The following CA10 variants were observed in gnomAD, a reference collection of about 807,000 sequenced individuals.
CA10 encodes the protein carbonic anhydrase 10 (inactive), also known as carbonic anhydrase-related protein 10.
CA10 carries 14 observed loss-of-function variants against 44.2 expected under a neutral mutation model. That is an observed-to-expected ratio of 0.32 (90% CI 0.21 to 0.50). CA10 has a LOEUF of 0.50. CA10 is among the 20% of genes least tolerant of loss of function. CA10 has a pLI of 0.99. For missense variants in CA10, 350 were observed against 409.7 expected (o/e 0.85, Z 1.26); for synonymous variants, 159 against 141.6 (o/e 1.12, Z -0.87).
chr17:51,930,634 A>C (rs1049674811), intron 3 of CA10, among the ~76,000 whole-genome samples: 2 of 152,008 alleles, frequency 1.3e-5, no homozygotes, highest in Non-Finnish European at 2.9e-5. Context: ...TTCTCACTTC[A>C]CTGAGGTTAA....
intron 1 of CA10, among the ~76,000 whole-genome samples, chr17:52,123,911 G>T (rs1308755898): frequency 2.6e-5 from 4 of 152,104 alleles, no homozygotes; most frequent in African/African-American, 4.8e-5. Context: ...GCAGACCCTT[G>T]GGACCCTGTT....
chr17:52,068,580 A>T (rs111782640), intron 2 of CA10, among the ~76,000 whole-genome samples: 2 of 152,190 alleles, frequency 1.3e-5, no homozygotes, highest in African/African-American at 2.4e-5. Context: ...TTGTAGTGAG[A>T]TGCCTGGCCC....
chr17:52,016,601 T>C (rs1366593478), intron 2 of CA10, among the ~76,000 whole-genome samples: 1 of 152,048 alleles, frequency 6.6e-6, no homozygotes, highest in Non-Finnish European at 1.5e-5. Flanking sequence ...TCTGAGTGCA[T>C]GTGAGACCTG....
At chr17:51,640,533 C>T (rs937803674) in intron 6 of CA10, among the ~76,000 whole-genome samples, 1 of 152,202 alleles carries the variant, frequency 6.6e-6, no homozygotes, top group Admixed American at 6.5e-5. Flanking sequence ...CATGACTCAT[C>T]ATGCTGCCTC....
chr17:52,048,697 G>A (rs1274544006), intron 2 of CA10, among the ~76,000 whole-genome samples: 2 of 152,000 alleles, frequency 1.3e-5, no homozygotes, highest in Non-Finnish European at 2.9e-5. Context: ...GCATGACAAA[G>A]CTGCTGAGCT....
chr17:51,948,508 C>T (rs996214877), intron 2 of CA10, among the ~76,000 whole-genome samples: 1 of 152,308 alleles, frequency 6.6e-6, no homozygotes, highest in African/African-American at 2.4e-5. Flanking sequence ...GGGCCTCCTC[C>T]AAGCTCCAGA....
intron 4 of CA10, among the ~76,000 whole-genome samples, chr17:51,657,748 T>C (rs984748098): frequency 2.6e-5 from 4 of 152,198 alleles, no homozygotes; most frequent in African/African-American, 9.6e-5. Flanking sequence ...GTAATCACAG[T>C]GTCTGATGTG....
chr17:51,658,420 G>C (rs1376167999), intron 4 of CA10, among the ~76,000 whole-genome samples: 2 of 152,184 alleles, frequency 1.3e-5, no homozygotes, highest in Non-Finnish European at 2.9e-5. Flanking sequence ...GAAAGAATGG[G>C]GGCGAGGATG....
chr17:51,821,313 C>T (rs1021811316), intron 3 of CA10, among the ~76,000 whole-genome samples: 14 of 151,686 alleles, frequency 9.2e-5, no homozygotes, highest in African/African-American at 2.7e-4. Flanking sequence ...AGGCCAAGTG[C>T]CATGGACAGG....
chr17:51,868,412 C>A (rs1186496337), intron 3 of CA10, among the ~76,000 whole-genome samples: 4 of 152,128 alleles, frequency 2.6e-5, no homozygotes, highest in Non-Finnish European at 4.4e-5. Context: ...TTTAAGCGTG[C>A]CGTCTCCTGC....
intron 3 of CA10, among the ~76,000 whole-genome samples, chr17:51,917,152 G>A (rs1962619458): frequency 6.6e-6 from 1 of 152,210 alleles, no homozygotes; most frequent in Non-Finnish European, 1.5e-5. Flanking sequence ...CTTATATGTA[G>A]CATTTGCAGA....
chr17:51,679,473 G>T (rs1344385693), intron 4 of CA10, among the ~76,000 whole-genome samples: 3 of 151,874 alleles, frequency 2.0e-5, no homozygotes, highest in Non-Finnish European at 4.4e-5. Context: ...GTGTTAGCCA[G>T]GATGGTCTTG....
intron 1 of CA10, among the ~76,000 whole-genome samples, chr17:52,146,473 G>T (rs1989587089): frequency 6.6e-6 from 1 of 151,730 alleles, no homozygotes; most frequent in Non-Finnish European, 1.5e-5. Context: ...GGCGGATCAT[G>T]AGGTCAGGAG....
At chr17:51,828,336 A>C (rs767326) in intron 3 of CA10, among the ~76,000 whole-genome samples, 77,895 of 151,874 alleles carry the variant, frequency 0.51, 21,531 homozygotes, top group African/African-American at 0.73. Context: ...GCTAGTCTGG[A>C]TATTCTCTTG....
At chr17:51,941,684 T>C (rs1054365750) in intron 2 of CA10, among the ~76,000 whole-genome samples, 3 of 152,124 alleles carry the variant, frequency 2.0e-5, no homozygotes, top group Non-Finnish European at 4.4e-5. Flanking sequence ...ACCAGTAATG[T>C]TGAAACCAGC....
At chr17:51,911,408 A>G (rs1416529209) in intron 3 of CA10, among the ~76,000 whole-genome samples, 1 of 152,170 alleles carries the variant, frequency 6.6e-6, no homozygotes, top group Non-Finnish European at 1.5e-5. Flanking sequence ...CGCATATCCA[A>G]ATTGAATGAG....
At chr17:51,906,235 C>G (rs543312996) in intron 3 of CA10, among the ~76,000 whole-genome samples, 1 of 152,070 alleles carries the variant, frequency 6.6e-6, no homozygotes, top group African/African-American at 2.4e-5. Flanking sequence ...ATACTGTCTT[C>G]GCTATCTCAT....
At chr17:52,133,132 A>G (rs1244794986) in intron 1 of CA10, among the ~76,000 whole-genome samples, 2 of 152,144 alleles carry the variant, frequency 1.3e-5, no homozygotes, top group East Asian at 1.9e-4. Flanking sequence ...TGAGCAAGCA[A>G]TCTGGTACCA....
At chr17:51,885,909 A>G (rs1980578064) in intron 3 of CA10, among the ~76,000 whole-genome samples, 1 of 152,252 alleles carries the variant, frequency 6.6e-6, no homozygotes, top group Admixed American at 6.5e-5. Flanking sequence ...GGGCCCCAGG[A>G]TATATGTACT....
Sources: allele counts gnomAD v4.1 joint callset (sites outside exome capture counted in the v4.1 genomes callset), GRCh38; gene constraint gnomAD v4.1.1; transcripts MANE v1.5; gene names NCBI Gene and HGNC (gene_info 2026-07-23, HGNC 2026-07-21).